The following LRPAP1 variants were observed in gnomAD, a reference collection of about 807,000 sequenced individuals.
LRPAP1 encodes the protein alpha-2-macroglobulin receptor-associated protein.
A neutral mutation model predicts 39.9 loss-of-function variants in LRPAP1; 41 were observed. The observed-to-expected ratio is 1.03, with a 90% CI of 0.80 to 1.33. LRPAP1 has a LOEUF of 1.33. Ranked by LOEUF, LRPAP1 falls within the 40% of genes most tolerant of loss-of-function variation. The probability of loss-of-function intolerance (pLI) is 0.00; values close to 1 mark genes in which losing one functional copy is unlikely to be tolerated. For synonymous variants in LRPAP1, 263 were observed against 212.7 expected, an observed-to-expected ratio of 1.24 and a Z score of -2.06; for missense variants, 565 against 482.3, an observed-to-expected ratio of 1.17 and a Z score of -1.61.
chr4:3,520,972 C>A (rs1439788021), intron 2 of LRPAP1, among the ~76,000 whole-genome samples: 1 of 152,242 alleles, frequency 6.6e-6, no homozygotes, highest in African/African-American at 2.4e-5. Context: ...CTGGTGCCAA[C>A]AGGACAAGTC....
Position 3,512,989 on chromosome 4 carries a change from C to A in LRPAP1, c.1059G>T (p.Arg353=). ...QDLSGRISRA[R]HNEL is the part of the protein sequence containing the mutation. Reference sequence around the variant, plus strand: ...CCCAATGCCTTCAGAGTTCGTTGTGCCGAGCTCTGGAGATCCTGCCGGACA... The same window carrying A: ...CCCAATGCCTTCAGAGTTCGTTGTGACGAGCTCTGGAGATCCTGCCGGACA... Residue 353 remains arginine, a synonymous_variant, in exon 8 of 8, where the codon CGG becomes CGT. Coordinates refer to ENST00000650182, the MANE Select transcript of LRPAP1 (RefSeq NM_002337.4). 6.2e-7 allele frequency: 1 copy of A among 1,611,798 alleles called. No homozygotes were observed.
chr4:3,508,727 G>A lies in LRPAP1; in HGVS notation c.*4247C>T, dbSNP rs919544190. Reference sequence around the variant, plus strand: ...GAGCATCTCACTAGGTGCAGGAAAGGCAGCTGACCACATTCAACACGGATT... The same window carrying A: ...GAGCATCTCACTAGGTGCAGGAAAGACAGCTGACCACATTCAACACGGATT... On this transcript the variant is annotated 3_prime_UTR_variant, in exon 8 of 8. Coordinates refer to ENST00000650182, the MANE Select transcript of LRPAP1 (RefSeq NM_002337.4). 6.6e-6 allele frequency: 1 copy of A among 152,166 alleles called. No homozygotes were observed. Among genetic ancestry groups the A allele is most frequent in the South Asian group, 2.1e-4 (1 of 4,822 alleles). The allele number at this position is 152,166 out of a possible 1,614,324, so 9.4% of individuals were successfully genotyped here. A position where few individuals can be genotyped will look rare whatever the true frequency, so the allele number is the denominator to read the frequency against.
At chr4:3,532,149 C>A in intron 1 of LRPAP1, 60 bp downstream of exon 1, 1 of 1,525,330 alleles carries the variant, frequency 6.6e-7, no homozygotes, top group Non-Finnish European at 8.9e-7. Flanking sequence ...CCCGCTCCAA[C>A]GACCCCAACC....
chr4:3,518,179 G>A lies in LRPAP1; in HGVS notation c.606C>T (p.Asn202=), dbSNP rs774890982. The stretch of plus-strand genomic sequence containing the variant: ...CGCTCAGGTCCGAGGGGCTAATGAC[G>A]TTCTCGTGGATTTCTGTAAAACCGA... ...TLSRTEEIHE[N]VISPSDLSDI... is the part of the protein sequence containing the mutation. The change falls in exon 5 of 8, where the codon AAC becomes AAT. Residue 202 remains asparagine (N), a synonymous_variant. Transcript: ENST00000650182. 6 of 1,610,702 alleles carry A rather than the reference G, an allele frequency of 3.7e-6. No homozygotes were observed. Among genetic ancestry groups the A allele is most frequent in the South Asian group, 2.2e-5 (2 of 90,862 alleles).
chr4:3,532,128 G>T (rs1730273912), intron 1 of LRPAP1, 81 bp downstream of exon 1: 2 of 1,415,654 alleles, frequency 1.4e-6, no homozygotes, highest in Non-Finnish European at 9.6e-7. Flanking sequence ...CTCCGCCTCC[G>T]ACCCCTGGGC....
intron 5 of LRPAP1, among the ~76,000 whole-genome samples, chr4:3,516,862 G>A (rs1202199220): frequency 1.3e-5 from 2 of 152,166 alleles, no homozygotes; most frequent in South Asian, 2.1e-4. Context: ...TCCTGCTCAG[G>A]ACCCCGAGGA....
Position 3,512,318 on chromosome 4 carries a change from G to C in LRPAP1, c.*656C>G, listed in dbSNP as rs1459239477. 2 of 152,550 alleles carry C rather than the reference G, an allele frequency of 1.3e-5. No individual in the cohort carries two copies. The highest frequency in any genetic ancestry group is 2.9e-5 in the Non-Finnish European group (2 of 68,276). The allele number at this position is 152,550 out of a possible 1,614,324, so 9.4% of individuals were successfully genotyped here. A position where few individuals can be genotyped will look rare whatever the true frequency, so the allele number is the denominator to read the frequency against. Reference sequence around the variant, plus strand: ...CGAGGTCCCTGAGCTGCAGAGGTGAGAGTTGAAAGACGCTGCCCCCAGGCC... The same window carrying C: ...CGAGGTCCCTGAGCTGCAGAGGTGACAGTTGAAAGACGCTGCCCCCAGGCC... On this transcript the variant is annotated 3_prime_UTR_variant, in exon 8 of 8. Coordinates refer to ENST00000650182, the MANE Select transcript of LRPAP1 (RefSeq NM_002337.4).
In LRPAP1 at chr4:3,518,898, G is replaced by A. The variant is rs913105209; in HGVS notation, c.565C>T (p.Leu189=). 4.3e-6 allele frequency: 7 copies of A among 1,612,746 alleles called. No individual in the cohort carries two copies. The highest frequency in any genetic ancestry group is 5.1e-6 in the Non-Finnish European group (6 of 1,179,700). ...TCGGTCCTGCTCAGGGTCTCCAGCA[G>A]GACGTTGTACTCGTGAACTTTCTCT... is the stretch of plus-strand genomic sequence containing the variant. ...HKEKVHEYNV[L]LETLSRTEEI... is the part of the protein sequence containing the mutation. The change falls in exon 4 of 8, where the codon CTG becomes TTG. Residue 189 remains leucine, a synonymous_variant. Coordinates refer to ENST00000650182, the MANE Select transcript of LRPAP1 (RefSeq NM_002337.4).
In LRPAP1 at chr4:3,518,147, T is replaced by G. The variant is rs140204942; in HGVS notation, c.638A>C (p.Lys213Thr). 8 of 1,613,388 alleles carry G rather than the reference T, an allele frequency of 5.0e-6. No individual in the cohort carries two copies. The African/African-American group carries it at 1.1e-4, about 22-fold the overall frequency. Residue 213 changes from lysine to threonine, a missense_variant, in exon 5 of 8, where the codon AAG becomes ACG. Lys to Thr is a moderately conservative substitution (Grantham distance 78). Transcript: ENST00000650182. ...GTGCCTGCTGTGCAGGACGCTGCCCTTGATGTCGCTCAGGTCCGAGGGGCT... is the reference window on the plus strand; with the variant it reads ...GTGCCTGCTGTGCAGGACGCTGCCCGTGATGTCGCTCAGGTCCGAGGGGCT... ...VISPSDLSDI[K>T]GSVLHSRHTE... is the part of the protein sequence containing the mutation.
At chr4:3,516,416 C>T (rs1234207332) in intron 5 of LRPAP1, among the ~76,000 whole-genome samples, 1 of 95,332 alleles carries the variant, frequency 1.0e-5, no homozygotes, top group Non-Finnish European at 2.4e-5. Context: ...GCTTCTCTGT[C>T]CCCTTGGCCA....
At position 3,510,178 on chromosome 4, in the gene LRPAP1, T is replaced by G. The variant is rs1399738166; in HGVS notation, c.*2796A>C. On this transcript the variant is annotated 3_prime_UTR_variant, in exon 8 of 8. Transcript: ENST00000650182. ...CATGGCTCACACCTACAACCTGTAA[T>G]CCCAGTAGTTTGGGAGGCTGAGACA... is the stretch of plus-strand genomic sequence containing the variant. 1 of 152,094 alleles carries G rather than the reference T, an allele frequency of 6.6e-6. No individual in the cohort carries two copies. Among genetic ancestry groups the G allele is most frequent in the Non-Finnish European group, 1.5e-5 (1 of 68,036 alleles). 9.4% of individuals were successfully genotyped at this position (152,094 alleles called of 1,614,324 possible). A position where few individuals can be genotyped will look rare whatever the true frequency, so the allele number is the denominator to read the frequency against.
rs976189026 is a variant in LRPAP1 at position 3,518,140 on chromosome 4, G to T, written c.645C>A (p.Ser215Arg). The change falls in exon 5 of 8, where the codon AGC becomes AGA. Residue 215 changes from serine (S) to arginine (R), a missense_variant. Physicochemically the swap from Ser to Arg is moderately radical, Grantham distance 110. Transcript: ENST00000650182. ...GCTCCGTGTGCCTGCTGTGCAGGAC[G>T]CTGCCCTTGATGTCGCTCAGGTCCG... ...SPSDLSDIKGSVLHSRHTELK... is the reference protein window; with the variant it reads ...SPSDLSDIKGRVLHSRHTELK... 1.2e-6 allele frequency: 2 copies of T among 1,613,388 alleles called. No individual in the cohort carries two copies.
At chr4:3,518,849 AG>A in intron 4 of LRPAP1, 21 bp downstream of exon 4, 2 of 872,140 alleles carry the variant, frequency 2.3e-6, no homozygotes, top group Middle Eastern at 4.7e-4. Context: ...AGAGGGCAGG[AG>A]GGGGTGGGGG....
chr4:3,511,008 C>T lies in LRPAP1; in HGVS notation c.*1966G>A, dbSNP rs1729488932. The stretch of plus-strand genomic sequence containing the variant: ...CCTCAACACCATGGTCTCCCACATA[C>T]AAAAGAGGCCATTATACAGTAAGAC... On this transcript the variant is annotated 3_prime_UTR_variant, in exon 8 of 8. Transcript: ENST00000650182. The T allele has an allele frequency of 6.6e-6, 1 of 152,256 alleles. No individual in the cohort carries two copies. The highest frequency in any genetic ancestry group is 2.4e-5 in the African/African-American group (1 of 41,430). 9.4% of individuals were successfully genotyped at this position (152,256 alleles called of 1,614,324 possible). A position where few individuals can be genotyped will look rare whatever the true frequency, so the allele number is the denominator to read the frequency against.
intron 7 of LRPAP1, among the ~76,000 whole-genome samples, chr4:3,513,403 G>C (rs1229728889): frequency 6.6e-6 from 1 of 152,154 alleles, no homozygotes; most frequent in Non-Finnish European, 1.5e-5. Context: ...TGCCTCCCAG[G>C]CTCAAGTGAT....
chr4:3,530,690 C>G (rs752740404), intron 1 of LRPAP1, among the ~76,000 whole-genome samples: 5 of 152,074 alleles, frequency 3.3e-5, no homozygotes, highest in Non-Finnish European at 5.9e-5. Flanking sequence ...GGTAGCTGGA[C>G]CAGTGCAGGG....
rs577459180 is a variant in LRPAP1, at chr4:3,514,338, C to T, written c.1011+414G>A. Among the ~76,000 whole-genome samples the T allele has an allele frequency of 7.9e-5, 12 of 152,360 alleles. 1 individual carries two copies. Among genetic ancestry groups the T allele is most frequent in the African/African-American group, 1.9e-4 (8 of 41,578 alleles). On this transcript the variant is annotated intron_variant, in intron 7 of 7. Transcript: ENST00000650182. ...TCTGTGCCTCTGTGGCAAGGCTGTG[C>T]GCTGGCTTCAGCTTCTCCTGGGCTC...
At chr4:3,516,404 T>A (rs1263715707) in intron 5 of LRPAP1, among the ~76,000 whole-genome samples, 1 of 94,414 alleles carries the variant, frequency 1.1e-5, no homozygotes, top group African/African-American at 3.4e-5. Context: ...CGCTGAAATG[T>A]GGCTTCTCTG....
intron 6 of LRPAP1, 57 bp downstream of exon 6, chr4:3,516,059 T>C (rs1487486729): frequency 2.0e-6 from 3 of 1,503,520 alleles, no homozygotes; most frequent in Non-Finnish European, 2.7e-6. Context: ...ACCCGGAAAC[T>C]GCAAGAGAAT....
Sources: allele counts gnomAD v4.1 joint callset (sites outside exome capture counted in the v4.1 genomes callset), GRCh38; gene constraint gnomAD v4.1.1; transcripts MANE v1.5; gene names NCBI Gene and HGNC (gene_info 2026-07-23, HGNC 2026-07-21).